Variants in CDK19 observed in about 807,000 individuals in gnomAD.
CDK19 encodes the protein cyclin-dependent kinase 19.
In CDK19, 20 loss-of-function variants were observed where a neutral mutation model predicts 68.3. The ratio of observed to expected loss-of-function variants is 0.29; its 90% CI spans 0.21 to 0.43. The LOEUF is 0.43. CDK19 is among the 20% of genes least tolerant of loss of function. CDK19 has a pLI of 1.00. For synonymous variants in CDK19, 221 were observed against 222.8 expected, an observed-to-expected ratio of 0.99 and a Z score of 0.07; for missense variants, 339 against 623.5, an observed-to-expected ratio of 0.54 and a Z score of 4.86.
chr6:110,756,205 CAT>C (rs1340918743), intron 1 of CDK19, among the ~76,000 whole-genome samples: 1 of 152,010 alleles, frequency 6.6e-6, no homozygotes, highest in African/African-American at 2.4e-5. Context: ...GCCTGGCCAA[CAT>C]AGTGAAACCC....
intron 1 of CDK19, among the ~76,000 whole-genome samples, chr6:110,752,864 C>T (rs895525655): frequency 6.6e-6 from 1 of 151,934 alleles, no homozygotes; most frequent in Non-Finnish European, 1.5e-5. Flanking sequence ...ACTGACCTAG[C>T]CTACTCCTTT....
chr6:110,615,225 T>A (rs1443738850), intron 12 of CDK19, among the ~76,000 whole-genome samples: 2 of 152,214 alleles, frequency 1.3e-5, no homozygotes, highest in Non-Finnish European at 2.9e-5. Flanking sequence ...GTGGGTTTTA[T>A]AAACTTCAGG....
At chr6:110,673,759 T>G (rs548368768) in intron 2 of CDK19, among the ~76,000 whole-genome samples, 78 of 152,164 alleles carry the variant, frequency 5.1e-4, no homozygotes, top group Middle Eastern at 3.2e-3. Context: ...ATAATATTTC[T>G]TGTTCTTTTT....
intron 2 of CDK19, among the ~76,000 whole-genome samples, chr6:110,712,418 T>C (rs941114911): frequency 1.3e-5 from 2 of 152,202 alleles, no homozygotes; most frequent in Non-Finnish European, 2.9e-5. Flanking sequence ...GAAACATCAA[T>C]TTACTAGATA....
chr6:110,787,797 T>C (rs1389799413), intron 1 of CDK19, among the ~76,000 whole-genome samples: 1 of 152,124 alleles, frequency 6.6e-6, no homozygotes, highest in Non-Finnish European at 1.5e-5. Flanking sequence ...GGAACTTATC[T>C]GCTGCATTTA....
chr6:110,813,753 GTACTT>G (rs1783315799), intron 1 of CDK19: 1 of 152,182 alleles, frequency 6.6e-6, no homozygotes, highest in Non-Finnish European at 1.5e-5. Context: ...CGCACACAAC[GTACTT>G]TAGTCCTAGA....
intron 1 of CDK19, among the ~76,000 whole-genome samples, chr6:110,772,624 T>C (rs768247286): frequency 9.9e-5 from 15 of 152,164 alleles, no homozygotes; most frequent in Non-Finnish European, 8.8e-5. Flanking sequence ...TTAGCTGCTA[T>C]AGATCTCTTT....
chr6:110,640,231 CAAAAAAAAAAAAA>C (rs59703376), intron 4 of CDK19, among the ~76,000 whole-genome samples: 3 of 80,714 alleles, frequency 3.7e-5, no homozygotes, highest in Non-Finnish European at 7.0e-5. Flanking sequence ...GACCCTGTCA[CAAAAAAAAAAAAA>C]AAAAAAAAAA....
At chr6:110,679,346 C>T (rs922547548) in intron 2 of CDK19, among the ~76,000 whole-genome samples, 2 of 151,262 alleles carry the variant, frequency 1.3e-5, no homozygotes, top group Admixed American at 6.6e-5. Context: ...GGTACAGTGG[C>T]TCATGCCTGT....
intron 2 of CDK19, among the ~76,000 whole-genome samples, chr6:110,738,673 G>C (rs760113253): frequency 8.5e-5 from 13 of 152,064 alleles, no homozygotes; most frequent in Non-Finnish European, 1.3e-4. Flanking sequence ...AAAAGAATTA[G>C]AGCCTTGGCT....
chr6:110,803,291 G>A (rs1782463118), intron 1 of CDK19, among the ~76,000 whole-genome samples: 1 of 152,306 alleles, frequency 6.6e-6, no homozygotes, highest in South Asian at 2.1e-4. Context: ...GTGTTAGCCA[G>A]GATGGTCTCG....
At chr6:110,711,026 T>C (rs1774901895) in intron 2 of CDK19, among the ~76,000 whole-genome samples, 1 of 152,188 alleles carries the variant, frequency 6.6e-6, no homozygotes, top group Non-Finnish European at 1.5e-5. Context: ...AGACATCCAT[T>C]AAAAACTATA....
chr6:110,799,377 G>A (rs926177306), intron 1 of CDK19, among the ~76,000 whole-genome samples: 2 of 152,012 alleles, frequency 1.3e-5, no homozygotes. Flanking sequence ...GTGGGGAGGA[G>A]TATGCGGACC....
chr6:110,755,592 G>A (rs1778784136), intron 1 of CDK19, among the ~76,000 whole-genome samples: 1 of 152,056 alleles, frequency 6.6e-6, no homozygotes, highest in African/African-American at 2.4e-5. Flanking sequence ...GAAACGTGTG[G>A]ACAAAGTCCA....
intron 1 of CDK19, among the ~76,000 whole-genome samples, chr6:110,791,976 C>CT (rs201918838): frequency 0.17 from 24,140 of 144,520 alleles, 2,091 homozygotes; most frequent in East Asian, 0.32. Context: ...TTTTCTTAAA[C>CT]TTTTTTTTTT....
chr6:110,650,674 G>A (rs1419278206), intron 4 of CDK19, among the ~76,000 whole-genome samples: 1 of 152,144 alleles, frequency 6.6e-6, no homozygotes, highest in Non-Finnish European at 1.5e-5. Context: ...GGGAAGGGCA[G>A]TCCTGGCAGA....
chr6:110,679,563 G>C (rs2114506205), intron 2 of CDK19, among the ~76,000 whole-genome samples: 1 of 152,112 alleles, frequency 6.6e-6, no homozygotes, highest in East Asian at 1.9e-4. Flanking sequence ...AGTGAGCCAA[G>C]ATCACACCAT....
intron 1 of CDK19, among the ~76,000 whole-genome samples, chr6:110,805,688 A>G (rs1782632191): frequency 6.6e-6 from 1 of 152,230 alleles, no homozygotes; most frequent in African/African-American, 2.4e-5. Flanking sequence ...AACTGTACAC[A>G]ATTTATAACA....
intron 2 of CDK19, among the ~76,000 whole-genome samples, chr6:110,710,142 A>T (rs1198392963): frequency 6.6e-6 from 1 of 152,210 alleles, no homozygotes. Flanking sequence ...GCTCATGACA[A>T]GAAAAAGTAA....
Sources: gnomAD v4.1 joint callset for allele counts (sites outside exome capture counted in the v4.1 genomes callset) on GRCh38, gnomAD v4.1.1 for gene constraint, MANE v1.5 for transcripts, NCBI Gene and HGNC (gene_info 2026-07-23, HGNC 2026-07-21) for gene names.